ALDH18A1: variants seen among roughly 807,000 people sequenced by gnomAD.
The protein encoded by ALDH18A1 is aldehyde dehydrogenase 18 family member A1, also known as delta-1-pyrroline-5-carboxylate synthase.
Under a neutral mutation model 88.8 loss-of-function variants are expected in ALDH18A1, and 44 were observed. That is an observed-to-expected ratio of 0.50 (90% CI 0.39 to 0.64). The LOEUF is 0.64. Ranked by LOEUF, ALDH18A1 falls within the 30% of genes least tolerant of loss-of-function variation. The probability of loss-of-function intolerance (pLI) is 0.00; values close to 1 mark genes in which losing one functional copy is unlikely to be tolerated. For synonymous variants in ALDH18A1, 331 were observed against 372.1 expected (o/e 0.89, Z 1.27); for missense variants, 782 against 1,009.5 (o/e 0.77, Z 3.05).
chr10:95,643,868 G>A (rs776309389), intron 2 of ALDH18A1, among the ~76,000 whole-genome samples: 79 of 152,120 alleles, frequency 5.2e-4, no homozygotes, highest in Non-Finnish European at 5.9e-4. Context: ...AGCCGGCCAG[G>A]CATGGCAGCT....
At chr10:95,617,802 T>C (rs1044360350) in intron 12 of ALDH18A1, among the ~76,000 whole-genome samples, 3 of 152,160 alleles carry the variant, frequency 2.0e-5, no homozygotes, top group Non-Finnish European at 4.4e-5. Context: ...GGATGAGTGG[T>C]AGCAAAGAAA....
At chr10:95,654,313 C>T (rs552300282) in intron 1 of ALDH18A1, among the ~76,000 whole-genome samples, 39 of 152,026 alleles carry the variant, frequency 2.6e-4, no homozygotes, top group Non-Finnish European at 4.7e-4. Flanking sequence ...TACAGGCACG[C>T]GCTACCATGC....
intron 2 of ALDH18A1, among the ~76,000 whole-genome samples, chr10:95,650,497 A>C (rs568674416): frequency 1.3e-5 from 2 of 152,294 alleles, no homozygotes; most frequent in African/African-American, 4.8e-5. Flanking sequence ...CTCAGAGGGA[A>C]TGCATGAGTC....
chr10:95,655,089 C>G (rs1184037613), intron 1 of ALDH18A1, among the ~76,000 whole-genome samples: 2 of 151,810 alleles, frequency 1.3e-5, no homozygotes, highest in Non-Finnish European at 2.9e-5. Context: ...TCGAGCTCTG[C>G]ACTTGCTGTG....
chr10:95,629,314 T>C (rs2097864775), intron 7 of ALDH18A1, among the ~76,000 whole-genome samples: 1 of 152,122 alleles, frequency 6.6e-6, no homozygotes, highest in Non-Finnish European at 1.5e-5. Flanking sequence ...CAGTGATTTT[T>C]CTGGTCTCAA....
chr10:95,619,352 G>A (rs1366461976), intron 12 of ALDH18A1, among the ~76,000 whole-genome samples: 1 of 152,146 alleles, frequency 6.6e-6, no homozygotes, highest in Non-Finnish European at 1.5e-5. Flanking sequence ...TCATGAAAAT[G>A]GCCATACTGC....
intron 3 of ALDH18A1, 98 bp from the exon 4 acceptor site, chr10:95,637,534 C>A: frequency 1.4e-6 from 2 of 1,437,884 alleles, no homozygotes; most frequent in East Asian, 2.3e-5. Context: ...GAGTAGATCC[C>A]AAATGCTGGT....
At chr10:95,655,959 C>T (rs1398730787) in intron 1 of ALDH18A1, among the ~76,000 whole-genome samples, 1 of 152,162 alleles carries the variant, frequency 6.6e-6, no homozygotes, top group Non-Finnish European at 1.5e-5. Context: ...ATCCGATGGG[C>T]CTCACCACCT....
intron 7 of ALDH18A1, among the ~76,000 whole-genome samples, chr10:95,629,235 T>A (rs1158276094): frequency 6.6e-6 from 1 of 152,160 alleles, no homozygotes; most frequent in African/African-American, 2.4e-5. Context: ...GCTGAGAAAC[T>A]AGAGTTAAAT....
intron 7 of ALDH18A1, among the ~76,000 whole-genome samples, chr10:95,632,671 T>C (rs1243327159): frequency 6.6e-6 from 1 of 152,220 alleles, no homozygotes; most frequent in East Asian, 1.9e-4. Flanking sequence ...GACAGAATTG[T>C]AAACTTCAAA....
At chr10:95,641,318 T>A (rs2097890898) in intron 3 of ALDH18A1, among the ~76,000 whole-genome samples, 2 of 152,102 alleles carry the variant, frequency 1.3e-5, no homozygotes, top group Admixed American at 6.6e-5. Flanking sequence ...GTCACCTTAA[T>A]GTGTGGGGAG....
At chr10:95,616,891 C>T (rs553446179) in intron 12 of ALDH18A1, among the ~76,000 whole-genome samples, 6 of 152,280 alleles carry the variant, frequency 3.9e-5, no homozygotes, top group African/African-American at 1.4e-4. Flanking sequence ...TGGTTTGACT[C>T]CAGAACAAAC....
rs758543218 is a variant in ALDH18A1 at position 95,633,013 on chromosome 10, G to A, written c.754C>T (p.Arg252Ter). The change falls in exon 7 of 18, where the codon CGA becomes TGA. Residue 252 changes from arginine (R) to a stop codon, truncating the protein, a stop_gained. Transcript: ENST00000371224. LOFTEE classifies it high-confidence loss of function. ...TCAGTTTTCATTTCCACAGCCAGTC[G>A]GGCAGCCAGGCTATCATTATCTTTA... The part of the protein sequence containing the change: ...SVKDNDSLAA[R>*]LAVEMKTDLL... The A allele has an allele frequency of 3.7e-6, 6 of 1,614,068 alleles. No individual in the cohort carries two copies. Among genetic ancestry groups the A allele is most frequent in the Non-Finnish European group, 4.2e-6 (5 of 1,179,980 alleles).
Position 95,606,851 on chromosome 10 carries a change from T to C in ALDH18A1, c.2299A>G (p.Lys767Glu). The C allele has an allele frequency of 6.2e-7, 1 of 1,614,194 alleles. No homozygotes were observed. The highest frequency in any genetic ancestry group is 8.5e-7 in the Non-Finnish European group (1 of 1,180,028). ...LLTTKWLLRG[K>E]DHVVSDFSEH... ...GAGAAATCTGAGACCACGTGGTCCT[T>C]CCCTCGCAGCAGCCACTTAGTAGTA... The change falls in exon 18 of 18, where the codon AAG becomes GAG. Residue 767 changes from lysine (K) to glutamate (E), a missense_variant. By Grantham distance (56) the Lys-to-Glu change is moderately conservative. Coordinates refer to ENST00000371224, the MANE Select transcript of ALDH18A1 (RefSeq NM_002860.4).
Position 95,616,472 on chromosome 10 carries a change from C to T in ALDH18A1, c.1605+5G>A, listed in dbSNP as rs886047510. 41 of 1,561,204 alleles carry T rather than the reference C, an allele frequency of 2.6e-5. No homozygotes were observed. Among genetic ancestry groups the T allele is most frequent in the Non-Finnish European group, 3.6e-5 (41 of 1,151,684 alleles). ...GCCTGACTTGGTGCATTCCCAGGGA[C>T]CTACCAGTTGCACGGCCTCCTTGAC... On this transcript the variant is annotated splice_donor_5th_base_variant and intron_variant, in intron 13 of 17. Transcript: ENST00000371224.
At chr10:95,609,095 C>G (rs556869) in intron 17 of ALDH18A1, among the ~76,000 whole-genome samples, 128,217 of 152,144 alleles carry the variant, frequency 0.84, 54,568 homozygotes, top group Non-Finnish European at 0.91. Flanking sequence ...CGCTGATCTC[C>G]AACTCCCGGC....
At chr10:95,626,198 C>A (rs553914616) in intron 10 of ALDH18A1, among the ~76,000 whole-genome samples, 47 of 152,080 alleles carry the variant, frequency 3.1e-4, no homozygotes, top group Non-Finnish European at 5.4e-4. Flanking sequence ...CTCTCAAATC[C>A]GTCCTTGACA....
intron 7 of ALDH18A1, among the ~76,000 whole-genome samples, chr10:95,629,029 G>A (rs1036904457): frequency 1.3e-5 from 2 of 152,198 alleles, no homozygotes; most frequent in African/African-American, 2.4e-5. Context: ...CAGTCAGCAG[G>A]AGAGTGCGTG....
intron 12 of ALDH18A1, among the ~76,000 whole-genome samples, chr10:95,618,770 G>A (rs1470442065): frequency 6.6e-6 from 1 of 152,200 alleles, no homozygotes; most frequent in Non-Finnish European, 1.5e-5. Flanking sequence ...ACAGAGACTT[G>A]TGGTCAGAGA....
Sources: allele counts gnomAD v4.1 joint callset (sites outside exome capture counted in the v4.1 genomes callset), GRCh38; gene constraint gnomAD v4.1.1; transcripts MANE v1.5; gene names NCBI Gene and HGNC (gene_info 2026-07-23, HGNC 2026-07-21).